The following DAB1 variants were observed in gnomAD, a reference collection of about 807,000 sequenced individuals.
DAB1 encodes the protein disabled homolog 1.
DAB1 carries 15 observed loss-of-function variants against 64.6 expected under a neutral mutation model. That is an observed-to-expected ratio of 0.23 (90% CI 0.16 to 0.36). DAB1 has a LOEUF of 0.36. Among genes scored for constraint, DAB1 ranks in the 10% least tolerant of loss-of-function variants. DAB1 has a pLI of 1.00. For missense variants in DAB1, 596 were observed against 706.7 expected (o/e 0.84, Z 1.78); for synonymous variants, 235 against 251.9 (o/e 0.93, Z 0.64).
chr1:57,791,928 C>T (rs778254772), intron 6 of DAB1, among the ~76,000 whole-genome samples: 10 of 152,084 alleles, frequency 6.6e-5, no homozygotes, highest in East Asian at 1.9e-4. Flanking sequence ...TTCCAAGTGC[C>T]GCTCTCTCTC....
At chr1:57,380,023 T>C (rs1681239871) in intron 1 of DAB1, among the ~76,000 whole-genome samples, 1 of 152,236 alleles carries the variant, frequency 6.6e-6, no homozygotes, top group South Asian at 2.1e-4. Flanking sequence ...ATAATAGTTG[T>C]TGTTTCTATT....
chr1:58,013,473 G>A (rs1646697705), intron 5 of DAB1, among the ~76,000 whole-genome samples: 1 of 152,152 alleles, frequency 6.6e-6, no homozygotes, highest in Admixed American at 6.5e-5. Context: ...CAAAAAAAGA[G>A]AAGAATTTTT....
chr1:58,428,519 T>C (rs774007133), intron 3 of DAB1, among the ~76,000 whole-genome samples: 7 of 152,226 alleles, frequency 4.6e-5, no homozygotes, highest in Non-Finnish European at 8.8e-5. Flanking sequence ...ATGTTATATA[T>C]AAACATCATT....
At chr1:57,471,004 C>A (rs1687114844) in intron 7 of DAB1, among the ~76,000 whole-genome samples, 1 of 152,148 alleles carries the variant, frequency 6.6e-6, no homozygotes, top group African/African-American at 2.4e-5. Context: ...ACTTAAAAAC[C>A]ATCAGCACAG....
chr1:57,564,953 A>G (rs1302560942), intron 7 of DAB1, among the ~76,000 whole-genome samples: 1 of 152,112 alleles, frequency 6.6e-6, no homozygotes, highest in Non-Finnish European at 1.5e-5. Flanking sequence ...GAGAAGAGCA[A>G]CTCCAAGACA....
intron 7 of DAB1, among the ~76,000 whole-genome samples, chr1:57,647,171 C>A (rs536521070): frequency 6.6e-6 from 1 of 152,272 alleles, no homozygotes; most frequent in African/African-American, 2.4e-5. Flanking sequence ...TCCTTCCTTG[C>A]AAAGGACTCT....
intron 1 of DAB1, among the ~76,000 whole-genome samples, chr1:57,349,953 A>G (rs1226772716): frequency 1.3e-5 from 2 of 152,200 alleles, no homozygotes; most frequent in Non-Finnish European, 2.9e-5. Flanking sequence ...TGGGCAAGAA[A>G]TGAGAAGCAC....
At chr1:57,716,499 T>C (rs887181005) in intron 6 of DAB1, among the ~76,000 whole-genome samples, 14 of 152,156 alleles carry the variant, frequency 9.2e-5, no homozygotes, top group East Asian at 1.9e-4. Flanking sequence ...AGGCCAGTCT[T>C]GGAATAAGTG....
intron 1 of DAB1, among the ~76,000 whole-genome samples, chr1:57,356,378 T>C (rs2100879037): frequency 6.6e-6 from 1 of 152,236 alleles, no homozygotes; most frequent in African/African-American, 2.4e-5. Flanking sequence ...TAAAAAGTTA[T>C]GTCAAGAACT....
chr1:57,337,825 A>G (rs1677203947), intron 1 of DAB1, among the ~76,000 whole-genome samples: 1 of 151,956 alleles, frequency 6.6e-6, no homozygotes, highest in African/African-American at 2.4e-5. Flanking sequence ...GTTCCAGGAC[A>G]CCAAGGTCTC....
At chr1:58,108,105 G>A (rs1384816506) in intron 5 of DAB1, among the ~76,000 whole-genome samples, 1 of 152,194 alleles carries the variant, frequency 6.6e-6, no homozygotes, top group Non-Finnish European at 1.5e-5. Flanking sequence ...GAGAAATTGA[G>A]ACTTCATTCT....
In DAB1 at chr1:57,030,485, C is replaced by T. The variant is rs1165684338; in HGVS notation, c.724-4442G>A. ...AGGCAGAGGAAACTGCTTAAAATGG[C>T]CAGAGGCCCAGAACAGAGTAGGTAG... On this transcript the variant is annotated intron_variant, in intron 9 of 14. Transcript: ENST00000371236. Among the ~76,000 whole-genome samples the T allele has an allele frequency of 2.0e-5, 3 of 152,146 alleles. No homozygotes were observed. The East Asian group carries it at 5.8e-4, about 29-fold the overall frequency.
In DAB1 at chr1:58,246,764, G is replaced by C. The variant is rs572241050; in HGVS notation, n.310-96176C>G. The stretch of plus-strand genomic sequence containing the variant: ...GCATGTGGGGGGTGTTTGTATTTAT[G>C]AATGTGTGAAATTGTGTGTGAGTGG... On this transcript the variant is annotated intron_variant and non_coding_transcript_variant, in intron 4 of 20. Coordinates refer to the DAB1 transcript ENST00000485760. Among the ~76,000 whole-genome samples, 63 of 152,204 alleles carry C rather than the reference G, an allele frequency of 4.1e-4. 1 individual carries two copies. The highest frequency in any genetic ancestry group is 1.5e-3 in the African/African-American group (61 of 41,538).
chr1:57,563,681 C>G (rs1025102174), intron 7 of DAB1, among the ~76,000 whole-genome samples: 21 of 152,160 alleles, frequency 1.4e-4, no homozygotes, highest in Admixed American at 1.2e-3. Flanking sequence ...CCCACAGAGC[C>G]TCCCTCATTG....
intron 2 of DAB1, among the ~76,000 whole-genome samples, chr1:57,199,460 G>T (rs913475405): frequency 1.6e-4 from 25 of 152,268 alleles, no homozygotes; most frequent in African/African-American, 5.5e-4. Flanking sequence ...GGAGGTGGCA[G>T]CTGGCTTGTC....
At chr1:57,961,955 A>G (rs1228856583) in intron 5 of DAB1, among the ~76,000 whole-genome samples, 1 of 148,888 alleles carries the variant, frequency 6.7e-6, no homozygotes, top group South Asian at 2.1e-4. Context: ...CTGGGCAACA[A>G]GAGTGAAACT....
chr1:57,451,566 A>G (rs1188693279), intron 7 of DAB1, among the ~76,000 whole-genome samples: 1 of 152,214 alleles, frequency 6.6e-6, no homozygotes, highest in African/African-American at 2.4e-5. Context: ...TTAAGTTTGA[A>G]TTAACATTAA....
intron 7 of DAB1, among the ~76,000 whole-genome samples, chr1:57,604,505 TA>T (rs1645613063): frequency 2.0e-5 from 3 of 152,184 alleles, no homozygotes; most frequent in Non-Finnish European, 4.4e-5. Context: ...CTGTTTAAGT[TA>T]TTCCAGCGGA....
At chr1:57,195,394 T>C (rs1664543390) in intron 2 of DAB1, among the ~76,000 whole-genome samples, 1 of 152,228 alleles carries the variant, frequency 6.6e-6, no homozygotes, top group South Asian at 2.1e-4. Flanking sequence ...TAAAGATACA[T>C]AACTTTCATG....
Sources: gnomAD v4.1 joint callset for allele counts (sites outside exome capture counted in the v4.1 genomes callset) on GRCh38, gnomAD v4.1.1 for gene constraint, MANE v1.5 for transcripts, NCBI Gene and HGNC (gene_info 2026-07-23, HGNC 2026-07-21) for gene names.